The following DPF3 variants were observed in gnomAD, a reference collection of about 807,000 sequenced individuals.
The protein encoded by DPF3 is double PHD fingers 3.
A neutral mutation model predicts 56.8 loss-of-function variants in DPF3; 18 were observed. The observed-to-expected ratio is 0.32, with a 90% confidence interval of 0.22 to 0.47. DPF3 has a LOEUF of 0.47. Ranked by LOEUF, DPF3 falls within the 20% of genes least tolerant of loss-of-function variation. The pLI, the probability that DPF3 is intolerant of heterozygous loss-of-function variation, is 1.00. For synonymous variants in DPF3, 188 were observed against 180.2 expected, an observed-to-expected ratio of 1.04 and a Z score of -0.35; for missense variants, 403 against 488.8, an observed-to-expected ratio of 0.82 and a Z score of 1.65.
intron 5 of DPF3, among the ~76,000 whole-genome samples, chr14:72,717,338 C>T (rs374485765): frequency 6.6e-6 from 1 of 152,254 alleles, no homozygotes; most frequent in African/African-American, 2.4e-5. Flanking sequence ...AATGAGCACA[C>T]CAACACCTAT....
At chr14:72,735,704 T>G (rs1164912398) in intron 3 of DPF3, among the ~76,000 whole-genome samples, 1 of 152,210 alleles carries the variant, frequency 6.6e-6, no homozygotes, top group African/African-American at 2.4e-5. Flanking sequence ...CAGACAGCCC[T>G]GGAGTCAATC....
chr14:72,662,223 T>G, intron 8 of DPF3: 1 of 985,384 alleles, frequency 1.0e-6, no homozygotes, highest in Non-Finnish European at 1.2e-6. Flanking sequence ...AGCACATACA[T>G]GAATGGCTTT....
chr14:72,854,645 A>G (rs1221142973), intron 1 of DPF3, among the ~76,000 whole-genome samples: 1 of 152,252 alleles, frequency 6.6e-6, no homozygotes, highest in Non-Finnish European at 1.5e-5. Context: ...AGTTGTCATC[A>G]GCAAATCAGT....
chr14:72,759,258 A>T (rs1170670124), intron 2 of DPF3, among the ~76,000 whole-genome samples: 1 of 152,136 alleles, frequency 6.6e-6, no homozygotes, highest in Non-Finnish European at 1.5e-5. Context: ...CCAAAATGAA[A>T]CCCACAGGAA....
chr14:72,860,604 G>A (rs1369628804), intron 1 of DPF3, among the ~76,000 whole-genome samples: 6 of 148,848 alleles, frequency 4.0e-5, no homozygotes, highest in South Asian at 2.2e-4. Context: ...TCACTCTGTC[G>A]CCAAGGCTGG....
intron 1 of DPF3, among the ~76,000 whole-genome samples, chr14:72,797,104 C>T (rs910995476): frequency 7.9e-5 from 12 of 152,226 alleles, no homozygotes; most frequent in African/African-American, 2.7e-4. Flanking sequence ...CAGTTCCAAG[C>T]TCAGGCCTCA....
intron 1 of DPF3, among the ~76,000 whole-genome samples, chr14:72,854,397 T>C (rs1415735529): frequency 2.6e-5 from 4 of 152,202 alleles, no homozygotes; most frequent in Middle Eastern, 3.2e-3. Context: ...TCATCTTTTA[T>C]TCTCTTAAAG....
intron 4 of DPF3, among the ~76,000 whole-genome samples, chr14:72,727,160 T>C (rs1476389131): frequency 6.6e-6 from 1 of 152,116 alleles, no homozygotes; most frequent in East Asian, 1.9e-4. Flanking sequence ...GGTCTTCTGT[T>C]CTCTCAACAA....
chr14:72,725,123 C>T (rs1270674623), intron 4 of DPF3, among the ~76,000 whole-genome samples: 4 of 152,136 alleles, frequency 2.6e-5, no homozygotes, highest in Non-Finnish European at 4.4e-5. Context: ...ATTCCATCTA[C>T]AAACATTTAT....
chr14:72,741,445 T>A (rs1719002148), intron 3 of DPF3, among the ~76,000 whole-genome samples: 1 of 152,144 alleles, frequency 6.6e-6, no homozygotes, highest in East Asian at 1.9e-4. Context: ...AGAGCAAGGA[T>A]ATTTGGACAG....
chr14:72,722,787 G>A (rs139758319), intron 5 of DPF3, among the ~76,000 whole-genome samples: 157 of 152,298 alleles, frequency 1.0e-3, no homozygotes, highest in African/African-American at 3.6e-3. Context: ...AAGCCCCTTC[G>A]GGCGTGAACT....
intron 3 of DPF3, among the ~76,000 whole-genome samples, chr14:72,750,465 T>A (rs533246932): frequency 6.6e-6 from 1 of 152,204 alleles, no homozygotes; most frequent in African/African-American, 2.4e-5. Flanking sequence ...CAAGCACTTA[T>A]AATAAAACCC....
intron 2 of DPF3, among the ~76,000 whole-genome samples, chr14:72,754,579 A>G (rs1171767727): frequency 6.6e-6 from 1 of 152,248 alleles, no homozygotes; most frequent in African/African-American, 2.4e-5. Flanking sequence ...GCCTACCACA[A>G]AAGTGTCACT....
intron 1 of DPF3, among the ~76,000 whole-genome samples, chr14:72,848,403 G>C (rs1370512336): frequency 1.3e-5 from 2 of 152,126 alleles, no homozygotes; most frequent in East Asian, 1.9e-4. Context: ...GGCTTCATGT[G>C]ATCCGCCCGC....
intron 6 of DPF3, among the ~76,000 whole-genome samples, chr14:72,703,762 T>A (rs1162508581): frequency 6.6e-6 from 1 of 152,174 alleles, no homozygotes; most frequent in Non-Finnish European, 1.5e-5. Flanking sequence ...CTTCTTACAA[T>A]GCTCAGCCCA....
At chr14:72,640,686 A>AGC (rs1404070001) in intron 8 of DPF3, among the ~76,000 whole-genome samples, 4 of 152,204 alleles carry the variant, frequency 2.6e-5, no homozygotes, top group African/African-American at 9.6e-5. Flanking sequence ...AGTAGATGAT[A>AGC]AAACTGTTAG....
At chr14:72,815,644 A>G (rs1883251877) in intron 1 of DPF3, among the ~76,000 whole-genome samples, 1 of 152,252 alleles carries the variant, frequency 6.6e-6, no homozygotes, top group Admixed American at 6.5e-5. Context: ...GCACCCATAC[A>G]TGCAGTAACA....
In DPF3 at chr14:72,801,790, C is replaced by T. The variant is rs376046429; in HGVS notation, c.33-29897G>A. Reference sequence around the variant, plus strand: ...GATATGCTGTCCTGAACACAAGGCACAAGACACAACACGGGAGGACCTTTC... The same window carrying T: ...GATATGCTGTCCTGAACACAAGGCATAAGACACAACACGGGAGGACCTTTC... On this transcript the variant is annotated intron_variant, in intron 1 of 10. Transcript: ENST00000556509. Among the ~76,000 whole-genome samples the T allele has an allele frequency of 1.5e-4, 23 of 152,260 alleles. No individual in the cohort carries two copies. The East Asian group carries it at 4.2e-3, about 28-fold the overall frequency.
intron 1 of DPF3, among the ~76,000 whole-genome samples, chr14:72,845,413 A>G (rs943502081): frequency 3.3e-5 from 5 of 152,162 alleles, no homozygotes; most frequent in African/African-American, 1.2e-4. Context: ...CAGGAACTCA[A>G]TCAGCTACCT....
Sources: allele counts gnomAD v4.1 joint callset (sites outside exome capture counted in the v4.1 genomes callset), GRCh38; gene constraint gnomAD v4.1.1; transcripts MANE v1.5; gene names NCBI Gene and HGNC (gene_info 2026-07-23, HGNC 2026-07-21).